STK3: variants seen among roughly 807,000 people sequenced by gnomAD.
STK3 encodes the protein serine/threonine-protein kinase 3.
Under a neutral mutation model 58.0 loss-of-function variants are expected in STK3, and 41 were observed. The observed-to-expected ratio is 0.71, with a 90% CI of 0.55 to 0.92. The LOEUF (loss-of-function observed/expected upper bound fraction) is 0.92. STK3 is among the 40% of genes least tolerant of loss of function. The probability of loss-of-function intolerance (pLI) is 0.00; values close to 1 mark genes in which losing one functional copy is unlikely to be tolerated. For missense variants in STK3, 479 were observed against 602.7 expected, an observed-to-expected ratio of 0.79 and a Z score of 2.15; for synonymous variants, 170 against 191.0, an observed-to-expected ratio of 0.89 and a Z score of 0.91.
rs577641842 is a variant in STK3 at position 98,777,021 on chromosome 8, G to T, written c.27-2202C>A. Among the ~76,000 whole-genome samples, 1,270 of 151,536 alleles carry T rather than the reference G, an allele frequency of 8.4e-3. 10 individuals carry two copies. The highest frequency in any genetic ancestry group is 0.029 in the African/African-American group (1,195 of 41,324). On this transcript the variant is annotated intron_variant, in intron 1 of 10. Transcript: ENST00000419617. ...GCCGAGATCGCGCCGCTGCACTCCA[G>T]CCTGGGCGACAGAGCAAGACTCCGT...
chr8:98,597,028 T>C (rs1357959238), intron 6 of STK3, among the ~76,000 whole-genome samples: 3 of 152,180 alleles, frequency 2.0e-5, no homozygotes, highest in Admixed American at 1.3e-4. Context: ...AAATGAAGCA[T>C]GAGATACTTC....
chr8:98,461,510 G>T (rs988769022), intron 10 of STK3, among the ~76,000 whole-genome samples: 1 of 152,138 alleles, frequency 6.6e-6, no homozygotes, highest in African/African-American at 2.4e-5. Context: ...GTGAGGTACT[G>T]TTCCAGTCAT....
At chr8:98,502,736 G>T (rs1339342021) in intron 10 of STK3, among the ~76,000 whole-genome samples, 1 of 152,146 alleles carries the variant, frequency 6.6e-6, no homozygotes, top group Admixed American at 6.5e-5. Context: ...AACCAGCCTT[G>T]CATCCCAGGG....
At chr8:98,921,703 T>C (rs1473903299) in intron 1 of STK3, among the ~76,000 whole-genome samples, 1 of 152,182 alleles carries the variant, frequency 6.6e-6, no homozygotes, top group Admixed American at 6.5e-5. Flanking sequence ...TTTTATTTTT[T>C]TGTTTTTTGA....
chr8:98,825,413 C>A, intron 1 of STK3, 102 bp downstream of exon 1: 2 of 1,130,374 alleles, frequency 1.8e-6, no homozygotes, highest in Non-Finnish European at 2.3e-6. Context: ...GCTCGGGGCC[C>A]GGCGGGCGGG....
chr8:98,820,986 TAATAA>T (rs1834861081), intron 1 of STK3, among the ~76,000 whole-genome samples: 1 of 151,296 alleles, frequency 6.6e-6, no homozygotes, highest in African/African-American at 2.4e-5. Context: ...TCAAAAAAAA[TAATAA>T]AATAATAAAA....
At chr8:98,377,449 A>G (rs1306375809) in intron 2 of STK3, among the ~76,000 whole-genome samples, 2 of 152,016 alleles carry the variant, frequency 1.3e-5, no homozygotes, top group Non-Finnish European at 2.9e-5. Flanking sequence ...AAAGTTCCAA[A>G]TGTTAAACAT....
At chr8:98,508,325 G>A (rs1305593457) in intron 10 of STK3, among the ~76,000 whole-genome samples, 1 of 152,108 alleles carries the variant, frequency 6.6e-6, no homozygotes, top group Non-Finnish European at 1.5e-5. Context: ...CAGTCACCCT[G>A]CTGTAATAAT....
intron 6 of STK3, among the ~76,000 whole-genome samples, chr8:98,678,044 GT>G (rs1237957963): frequency 6.6e-6 from 1 of 152,072 alleles, no homozygotes; most frequent in African/African-American, 2.4e-5. Context: ...CATTTAGAAT[GT>G]TTTCTTTTCA....
intron 2 of STK3, among the ~76,000 whole-genome samples, chr8:98,377,585 A>T (rs1817688314): frequency 6.6e-6 from 1 of 152,140 alleles, no homozygotes; most frequent in Non-Finnish European, 1.5e-5. Context: ...TATAAGAAAA[A>T]AAAACCTCAT....
At chr8:98,743,652 T>A (rs1304059832) in intron 4 of STK3, among the ~76,000 whole-genome samples, 1 of 152,142 alleles carries the variant, frequency 6.6e-6, no homozygotes, top group African/African-American at 2.4e-5. Flanking sequence ...ACCTAGGCAT[T>A]ACCATTCAGG....
intron 9 of STK3, among the ~76,000 whole-genome samples, chr8:98,541,808 C>T (rs1185029488): frequency 1.3e-5 from 2 of 152,142 alleles, no homozygotes; most frequent in African/African-American, 4.8e-5. Flanking sequence ...TGAAGTTTAG[C>T]AATGCTGTCA....
At chr8:98,880,173 G>T (rs917054278), downstream of STK3, 2 of 152,132 alleles carry the variant, frequency 1.3e-5, no homozygotes, top group Non-Finnish European at 2.9e-5. Flanking sequence ...CAGGAGAATC[G>T]CTTGAACCTA....
At chr8:98,847,174 C>G (rs766560912) in intron 3 of STK3, among the ~76,000 whole-genome samples, 2 of 152,134 alleles carry the variant, frequency 1.3e-5, no homozygotes, top group Non-Finnish European at 2.9e-5. Context: ...GGTTGCAGCA[C>G]GCTATGATTG....
At chr8:98,588,936 T>C (rs1402220089) in intron 7 of STK3, among the ~76,000 whole-genome samples, 8 of 147,292 alleles carry the variant, frequency 5.4e-5, no homozygotes, top group East Asian at 2.0e-4. Flanking sequence ...CGAGCCTTGG[T>C]TTTCAGCTCC....
intron 1 of STK3, among the ~76,000 whole-genome samples, chr8:98,813,290 C>T (rs191025858): frequency 8.2e-4 from 125 of 152,288 alleles, no homozygotes; most frequent in Middle Eastern, 3.4e-3. Flanking sequence ...CAACATCTAT[C>T]GGACTCTAAA....
upstream of STK3, among the ~76,000 whole-genome samples, chr8:98,830,112 C>T (rs1226120098): frequency 6.6e-6 from 1 of 152,052 alleles, no homozygotes; most frequent in African/African-American, 2.4e-5. Context: ...ACCTGTAGTC[C>T]CAGCTACTCA....
intron 10 of STK3, among the ~76,000 whole-genome samples, chr8:98,469,133 G>T (rs997075999): frequency 6.6e-6 from 1 of 150,784 alleles, no homozygotes; most frequent in Non-Finnish European, 1.5e-5. Context: ...AGAAAAGAAA[G>T]ATGAGAAAGT....
At chr8:98,932,597 G>A (rs1048637350) in intron 1 of STK3, among the ~76,000 whole-genome samples, 1 of 152,214 alleles carries the variant, frequency 6.6e-6, no homozygotes, top group Non-Finnish European at 1.5e-5. Flanking sequence ...TCTGGCAATA[G>A]AGGCACAGTG....
Sources: gnomAD v4.1 joint callset for allele counts (sites outside exome capture counted in the v4.1 genomes callset) on GRCh38, gnomAD v4.1.1 for gene constraint, MANE v1.5 for transcripts, NCBI Gene and HGNC (gene_info 2026-07-23, HGNC 2026-07-21) for gene names.